The following GRIN3A variants were observed in gnomAD, a reference collection of about 807,000 sequenced individuals.
GRIN3A encodes the protein glutamate receptor ionotropic, NMDA 3A.
In GRIN3A, 47 loss-of-function variants were observed where a neutral mutation model predicts 92.4. The ratio of observed to expected loss-of-function variants is 0.51; its 90% CI spans 0.40 to 0.65. The LOEUF (loss-of-function observed/expected upper bound fraction) is 0.65, where lower values mean the gene tolerates loss of function less well. Among genes scored for constraint, GRIN3A ranks in the 30% least tolerant of loss-of-function variants. The pLI is 0.00. For synonymous variants in GRIN3A, 527 were observed against 540.6 expected, an observed-to-expected ratio of 0.97 and a Z score of 0.35; for missense variants, 1,324 against 1,393.1, an observed-to-expected ratio of 0.95 and a Z score of 0.79.
At position 101,665,051 on chromosome 9, in the gene GRIN3A, C is replaced by CA. The variant is rs34413850; in HGVS notation, c.2352+5008dup. ...GGTGTTTAGATTCCAAGACTAATAC[C>CA]AAAAAAAAACAGCTTAAATTTTGAG... On this transcript the variant is annotated intron_variant, in intron 3 of 8. Transcript: ENST00000361820. Among the ~76,000 whole-genome samples, 320 of 149,014 alleles carry CA rather than the reference C, an allele frequency of 2.1e-3. 1 individual carries two copies. The highest frequency in any genetic ancestry group is 4.8e-3 in the African/African-American group (195 of 40,308).
At chr9:101,635,970 C>T (rs764197003) in intron 3 of GRIN3A, among the ~76,000 whole-genome samples, 11 of 152,044 alleles carry the variant, frequency 7.2e-5, no homozygotes, top group Admixed American at 2.0e-4. Flanking sequence ...GTGCAACCTC[C>T]GTCTCCTGGA....
intron 3 of GRIN3A, among the ~76,000 whole-genome samples, chr9:101,645,589 G>T (rs1454854456): frequency 6.6e-6 from 1 of 151,178 alleles, no homozygotes; most frequent in African/African-American, 2.4e-5. Context: ...TTTTTGAGAG[G>T]CCCCAATAAT....
At chr9:101,727,861 T>G (rs779775770) in intron 1 of GRIN3A, among the ~76,000 whole-genome samples, 2 of 147,640 alleles carry the variant, frequency 1.4e-5, no homozygotes, top group Non-Finnish European at 3.0e-5. Flanking sequence ...TGTGGCCAGG[T>G]GAAGGCACAC....
chr9:101,604,123 AC>A (rs1249380305), intron 6 of GRIN3A, among the ~76,000 whole-genome samples: 1 of 152,108 alleles, frequency 6.6e-6, no homozygotes, highest in Admixed American at 6.5e-5. Context: ...GGAATTCAAC[AC>A]GTTTGCTAAT....
chr9:101,698,635 C>G (rs956976058), intron 1 of GRIN3A, among the ~76,000 whole-genome samples: 16 of 152,106 alleles, frequency 1.1e-4, no homozygotes, highest in Non-Finnish European at 1.8e-4. Context: ...CTAAACATAT[C>G]TGAACACTGT....
In GRIN3A at chr9:101,735,891, T is replaced by A. The variant is rs1418608673; in HGVS notation, c.699+1390A>T. 1.2e-4 allele frequency among the ~76,000 whole-genome samples: 17 copies of A among 147,662 alleles called. 2 individuals carry two copies. On this transcript the variant is annotated intron_variant, in intron 1 of 8. Coordinates refer to ENST00000361820, the MANE Select transcript of GRIN3A (RefSeq NM_133445.3). ...ATTAGCCTGCACTCTACAGATCAAA[T>A]CTCTGTAGTTCGGCTAGGAATCTTC...
intron 3 of GRIN3A, among the ~76,000 whole-genome samples, chr9:101,643,388 G>T (rs924118691): frequency 6.6e-6 from 1 of 151,898 alleles, no homozygotes; most frequent in Non-Finnish European, 1.5e-5. Flanking sequence ...ATTATCAAAA[G>T]TTGAATAATA....
chr9:101,586,951 T>C lies in GRIN3A; in HGVS notation c.2767-7591A>G, dbSNP rs539561568. Among the ~76,000 whole-genome samples, 195 of 152,266 alleles carry C rather than the reference T, an allele frequency of 1.3e-3. 2 individuals carry two copies. The highest frequency in any genetic ancestry group is 4.0e-4 in the Non-Finnish European group (27 of 68,020). On this transcript the variant is annotated intron_variant, in intron 6 of 8. Transcript: ENST00000361820. ...TGTGGTTCGAGGCTTCATCTGTCAC[T>C]CTCTTTCTTACTTCAAAACATTGAG...
At chr9:101,616,153 A>C (rs892595395) in intron 5 of GRIN3A, among the ~76,000 whole-genome samples, 2 of 152,176 alleles carry the variant, frequency 1.3e-5, no homozygotes, top group African/African-American at 2.4e-5. Context: ...GAGTGAATGA[A>C]TAAATGAATG....
intron 3 of GRIN3A, among the ~76,000 whole-genome samples, chr9:101,645,702 AAT>A (rs1008682756): frequency 2.8e-4 from 41 of 147,932 alleles, no homozygotes; most frequent in African/African-American, 9.3e-4. Context: ...ATATATATAA[AAT>A]ATATATATTA....
intron 6 of GRIN3A, among the ~76,000 whole-genome samples, chr9:101,589,477 T>C (rs1419895243): frequency 6.6e-6 from 1 of 152,160 alleles, no homozygotes; most frequent in Non-Finnish European, 1.5e-5. Flanking sequence ...TAATTATTCA[T>C]TTTTCCTGTT....
intron 6 of GRIN3A, chr9:101,594,642 A>G: frequency 1.2e-6 from 2 of 1,614,052 alleles, no homozygotes; most frequent in Non-Finnish European, 1.7e-6. Context: ...CTGAACGCAA[A>G]CCTCAACTTC....
rs182206320 is a variant in GRIN3A, at chr9:101,688,239, A to G, written c.700-1039T>C. 1.7e-3 allele frequency among the ~76,000 whole-genome samples: 257 copies of G among 152,308 alleles called. 2 individuals carry two copies. Among genetic ancestry groups the G allele is most frequent in the African/African-American group, 5.8e-3 (242 of 41,564 alleles). ...GAAGAAGTGTGGCCTGTCCCTACGT[A>G]CCAAAAAATGTGTAACAGGAAATAG... On this transcript the variant is annotated intron_variant, in intron 1 of 8. Coordinates refer to ENST00000361820, the MANE Select transcript of GRIN3A (RefSeq NM_133445.3).
chr9:101,632,127 T>G (rs1382767246), intron 3 of GRIN3A, among the ~76,000 whole-genome samples: 2 of 152,222 alleles, frequency 1.3e-5, no homozygotes, highest in Non-Finnish European at 2.9e-5. Flanking sequence ...ACATTTTGCT[T>G]GGTCAGAGCT....
chr9:101,662,434 T>G (rs1003768401), intron 3 of GRIN3A, among the ~76,000 whole-genome samples: 6 of 151,978 alleles, frequency 3.9e-5, no homozygotes, highest in Admixed American at 6.6e-5. Context: ...TCTCTGTAAC[T>G]AGTTAATGGA....
chr9:101,714,683 A>G (rs1363885535), intron 1 of GRIN3A, among the ~76,000 whole-genome samples: 1 of 152,204 alleles, frequency 6.6e-6, no homozygotes, highest in Non-Finnish European at 1.5e-5. Context: ...CCATTACAAA[A>G]ACAGAAGTGC....
intron 4 of GRIN3A, among the ~76,000 whole-genome samples, chr9:101,623,727 A>G (rs1269433161): frequency 6.6e-6 from 1 of 152,250 alleles, no homozygotes; most frequent in East Asian, 1.9e-4. Flanking sequence ...TTGAATAGGA[A>G]GCGCATAGAG....
chr9:101,615,607 G>A (rs1173762933), intron 5 of GRIN3A, among the ~76,000 whole-genome samples: 1 of 151,866 alleles, frequency 6.6e-6, no homozygotes. Context: ...CACCTGCCTC[G>A]GCCTCCCAAA....
intron 4 of GRIN3A, among the ~76,000 whole-genome samples, chr9:101,627,102 C>A (rs2118876982): frequency 6.6e-6 from 1 of 152,304 alleles, no homozygotes; most frequent in East Asian, 1.9e-4. Flanking sequence ...ACCCTGACAT[C>A]TTATTCTTTC....
Sources: gnomAD v4.1 joint callset for allele counts (sites outside exome capture counted in the v4.1 genomes callset) on GRCh38, gnomAD v4.1.1 for gene constraint, MANE v1.5 for transcripts, NCBI Gene and HGNC (gene_info 2026-07-23, HGNC 2026-07-21) for gene names.